Variants in EYS observed in about 807,000 individuals in gnomAD.
EYS encodes EGF-like photoreceptor maintenance factor.
In EYS, 250 loss-of-function variants were observed where a neutral mutation model predicts 282.1. The observed-to-expected ratio is 0.89, with a 90% CI of 0.80 to 0.98. EYS has a LOEUF of 0.98. EYS is among the 50% of genes least tolerant of loss of function. The pLI is 0.00. For missense variants in EYS, 4,016 were observed against 3,709.0 expected (o/e 1.08, Z -2.15); for synonymous variants, 1,355 against 1,282.9 (o/e 1.06, Z -1.20).
chr6:65,017,737 A>T (rs1453605913), intron 13 of EYS, among the ~76,000 whole-genome samples: 2 of 152,256 alleles, frequency 1.3e-5, no homozygotes, highest in South Asian at 4.1e-4. Context: ...TGTCTAAACC[A>T]CAAAATGGCT....
chr6:64,752,267 C>G (rs975334188), intron 22 of EYS, among the ~76,000 whole-genome samples: 1 of 151,856 alleles, frequency 6.6e-6, no homozygotes, highest in African/African-American at 2.4e-5. Context: ...GAGAATGACT[C>G]AGGATATGAA....
At chr6:64,525,734 T>C (rs1777896370) in intron 26 of EYS, among the ~76,000 whole-genome samples, 1 of 151,764 alleles carries the variant, frequency 6.6e-6, no homozygotes, top group Admixed American at 6.6e-5. Flanking sequence ...CTGATGAGGA[T>C]GCAGGGAAAT....
At chr6:65,627,030 TTTCTTTC>T (rs1477726172) in intron 2 of EYS, among the ~76,000 whole-genome samples, 16 of 152,274 alleles carry the variant, frequency 1.1e-4, no homozygotes, top group African/African-American at 3.8e-4. Context: ...TTTCTTTCTC[TTTCTTTC>T]TCTCTTTCTT....
At chr6:65,300,007 G>A (rs1159126884) in intron 11 of EYS, among the ~76,000 whole-genome samples, 2 of 152,104 alleles carry the variant, frequency 1.3e-5, no homozygotes, top group African/African-American at 4.8e-5. Flanking sequence ...GATATCATTT[G>A]TAGCTGAAAG....
chr6:64,065,830 A>C (rs1399965717), intron 33 of EYS, among the ~76,000 whole-genome samples: 1 of 152,236 alleles, frequency 6.6e-6, no homozygotes, highest in Non-Finnish European at 1.5e-5. Flanking sequence ...GCTTAGTTCA[A>C]TTTGTAGTTC....
At chr6:64,283,423 G>T (rs373484407) in intron 30 of EYS, among the ~76,000 whole-genome samples, 86 of 152,276 alleles carry the variant, frequency 5.6e-4, no homozygotes, top group African/African-American at 1.9e-3. Flanking sequence ...TGATGGCAAA[G>T]ATTTTAGTTA....
intron 26 of EYS, among the ~76,000 whole-genome samples, chr6:64,524,600 T>G (rs1007824998): frequency 6.6e-6 from 1 of 151,908 alleles, no homozygotes; most frequent in Non-Finnish European, 1.5e-5. Flanking sequence ...AGGGTTTTTA[T>G]AGTTTTGGGT....
chr6:65,253,821 T>C (rs1187594445), intron 12 of EYS, among the ~76,000 whole-genome samples: 1 of 151,766 alleles, frequency 6.6e-6, no homozygotes, highest in Non-Finnish European at 1.5e-5. Flanking sequence ...TGGAAACTTT[T>C]TTCTTTTTAT....
chr6:64,060,018 C>A (rs1178599530), intron 33 of EYS, among the ~76,000 whole-genome samples: 2 of 151,982 alleles, frequency 1.3e-5, no homozygotes, highest in Non-Finnish European at 2.9e-5. Context: ...ATATGAAAAT[C>A]TTGCCAAACT....
intron 22 of EYS, among the ~76,000 whole-genome samples, chr6:64,764,483 C>A (rs1341545637): frequency 6.6e-6 from 1 of 152,174 alleles, no homozygotes; most frequent in Non-Finnish European, 1.5e-5. Flanking sequence ...GCAATGGGGC[C>A]CTGGGCCCAG....
At chr6:64,478,449 T>A (rs1477293538) in intron 26 of EYS, among the ~76,000 whole-genome samples, 1 of 151,510 alleles carries the variant, frequency 6.6e-6, no homozygotes, top group Non-Finnish European at 1.5e-5. Context: ...TATTTCTATA[T>A]TTAAAAGCTC....
At chr6:64,224,920 C>G (rs1425841438) in intron 31 of EYS, among the ~76,000 whole-genome samples, 2 of 151,796 alleles carry the variant, frequency 1.3e-5, no homozygotes, top group Non-Finnish European at 2.9e-5. Flanking sequence ...TTCACAAGCC[C>G]AAGGAAAAAT....
chr6:64,736,131 A>C (rs1343448695), intron 22 of EYS, among the ~76,000 whole-genome samples: 1 of 152,116 alleles, frequency 6.6e-6, no homozygotes, highest in African/African-American at 2.4e-5. Context: ...AATTCACAGT[A>C]AATTCACTGA....
chr6:64,212,384 C>T (rs929490820), intron 31 of EYS, among the ~76,000 whole-genome samples: 1 of 151,360 alleles, frequency 6.6e-6, no homozygotes, highest in Non-Finnish European at 1.5e-5. Context: ...AGGCAAAACA[C>T]CAAGATAAAT....
chr6:63,919,606 TG>T (rs1282652220), intron 35 of EYS, among the ~76,000 whole-genome samples: 1 of 152,180 alleles, frequency 6.6e-6, no homozygotes, highest in African/African-American at 2.4e-5. Context: ...CCAGCTCTTC[TG>T]GGGGACTGGG....
intron 14 of EYS, among the ~76,000 whole-genome samples, chr6:64,948,080 A>G (rs1769351276): frequency 6.6e-6 from 1 of 151,832 alleles, no homozygotes; most frequent in Non-Finnish European, 1.5e-5. Flanking sequence ...AAAATTGTCA[A>G]TTTCAGGGTA....
rs988521915 is a variant in EYS, at chr6:65,362,917, G to A, written c.1300-9300C>T. Among the ~76,000 whole-genome samples the A allele has an allele frequency of 5.3e-5, 8 of 152,048 alleles. No homozygotes were observed. The South Asian group carries it at 1.7e-3, about 32-fold the overall frequency. On this transcript the variant is annotated intron_variant, in intron 8 of 42. Coordinates refer to ENST00000503581, the MANE Select transcript of EYS (RefSeq NM_001142800.2). ...AAAAAAAGAAAATTAGAAAAGTTAT[G>A]GGAAATCTTTAGAGAATGAAATCAC...
At chr6:64,413,570 A>T (rs1773974810) in intron 28 of EYS, among the ~76,000 whole-genome samples, 1 of 137,720 alleles carries the variant, frequency 7.3e-6, no homozygotes, top group South Asian at 2.4e-4. Context: ...AAAACCCAAA[A>T]AAAAACCTCC....
At chr6:65,063,319 T>C (rs1042065294) in intron 12 of EYS, among the ~76,000 whole-genome samples, 1 of 152,018 alleles carries the variant, frequency 6.6e-6, no homozygotes, top group Non-Finnish European at 1.5e-5. Context: ...TACATATATT[T>C]TGGTTTGTGG....
Sources: allele counts gnomAD v4.1 joint callset (sites outside exome capture counted in the v4.1 genomes callset), GRCh38; gene constraint gnomAD v4.1.1; transcripts MANE v1.5; gene names NCBI Gene and HGNC (gene_info 2026-07-23, HGNC 2026-07-21).